Variants in ANKRD31 observed in about 807,000 individuals in gnomAD.
ANKRD31 encodes ankyrin repeat domain 31.
In ANKRD31, 147 loss-of-function variants were observed where a neutral mutation model predicts 186.0. The ratio of observed to expected loss-of-function variants is 0.79; its 90% CI spans 0.69 to 0.91. The LOEUF is 0.91. Ranked by LOEUF, ANKRD31 falls within the 40% of genes least tolerant of loss-of-function variation. ANKRD31 has a pLI of 0.00. For synonymous variants in ANKRD31, 673 were observed against 736.4 expected, an observed-to-expected ratio of 0.91 and a Z score of 1.39; for missense variants, 1,986 against 2,148.8, an observed-to-expected ratio of 0.92 and a Z score of 1.50.
intron 19 of ANKRD31, among the ~76,000 whole-genome samples, chr5:75,116,098 T>G (rs953756978): frequency 2.0e-5 from 3 of 151,530 alleles, no homozygotes; most frequent in African/African-American, 7.3e-5. Flanking sequence ...GATGAGTTCA[T>G]GTCCTTTGTA....
At chr5:75,159,094 T>A (rs1443734737) in intron 11 of ANKRD31, among the ~76,000 whole-genome samples, 5 of 151,714 alleles carry the variant, frequency 3.3e-5, no homozygotes, top group African/African-American at 4.8e-5. Flanking sequence ...AAAGAAAAAT[T>A]CACCAGAGGC....
intron 7 of ANKRD31, 44 bp downstream of exon 7, chr5:75,195,587 C>G: frequency 7.0e-7 from 1 of 1,430,078 alleles, no homozygotes; most frequent in Admixed American, 2.5e-5. Context: ...TAACTTGGAA[C>G]CATGTTCAAA....
intron 11 of ANKRD31, among the ~76,000 whole-genome samples, chr5:75,162,837 T>C (rs1419089890): frequency 2.0e-5 from 3 of 151,994 alleles, no homozygotes; most frequent in Admixed American, 2.0e-4. Flanking sequence ...TTATTGCTTT[T>C]AGGTATTTTC....
At chr5:75,191,054 T>C (rs985930745) in intron 9 of ANKRD31, among the ~76,000 whole-genome samples, 5 of 152,160 alleles carry the variant, frequency 3.3e-5, no homozygotes, top group African/African-American at 1.2e-4. Flanking sequence ...AATTTTATGA[T>C]TTTAAACTCA....
intron 25 of ANKRD31, among the ~76,000 whole-genome samples, chr5:75,071,419 G>A (rs927220511): frequency 1.3e-5 from 2 of 150,878 alleles, no homozygotes; most frequent in African/African-American, 4.9e-5. Flanking sequence ...AATGTTATAT[G>A]AAACTGCCAG....
chr5:75,220,333 AG>A (rs1366533202), intron 3 of ANKRD31, among the ~76,000 whole-genome samples: 1 of 152,212 alleles, frequency 6.6e-6, no homozygotes, highest in Non-Finnish European at 1.5e-5. Flanking sequence ...ACAGGCAAAA[AG>A]CAACTCCATT....
chr5:75,229,881 A>C lies in ANKRD31; in HGVS notation c.178+681T>G, dbSNP rs917249163. ...CTCTGTCTCAAAAAAAAAAAAAAAA[A>C]AAAAAACAAAAAAAACATCAATTCC... On this transcript the variant is annotated intron_variant, in intron 2 of 25. Transcript: ENST00000506364. 8.5e-4 allele frequency among the ~76,000 whole-genome samples: 72 copies of C among 84,924 alleles called. 1 individual carries two copies. The highest frequency in any genetic ancestry group is 1.9e-3 in the East Asian group (5 of 2,588). The allele number at this position is 84,924 out of a possible 152,430, so 55.7% of individuals were successfully genotyped here.
At chr5:75,076,658 T>G (rs934079905) in intron 25 of ANKRD31, among the ~76,000 whole-genome samples, 2 of 152,206 alleles carry the variant, frequency 1.3e-5, no homozygotes, top group African/African-American at 4.8e-5. Context: ...TCCTGAGAGG[T>G]TGAAGTGTGG....
chr5:75,194,147 C>G (rs571214586), intron 7 of ANKRD31, among the ~76,000 whole-genome samples: 1 of 152,240 alleles, frequency 6.6e-6, no homozygotes, highest in South Asian at 2.1e-4. Context: ...ATCATCTAAA[C>G]CTTTCTTCAG....
chr5:75,198,026 T>G (rs1271630149), intron 6 of ANKRD31, among the ~76,000 whole-genome samples: 1 of 152,168 alleles, frequency 6.6e-6, no homozygotes, highest in African/African-American at 2.4e-5. Context: ...CCAAGAAGAC[T>G]GAGAAATGAC....
chr5:75,136,103 G>A (rs1386710683), intron 17 of ANKRD31, among the ~76,000 whole-genome samples: 1 of 152,158 alleles, frequency 6.6e-6, no homozygotes, highest in Non-Finnish European at 1.5e-5. Flanking sequence ...ATAGGCATGG[G>A]CAAGGACTTC....
At position 75,080,307 on chromosome 5, in the gene ANKRD31, T is replaced by C. The variant is rs116960235; in HGVS notation, c.5647+261A>G. Among the ~76,000 whole-genome samples the C allele has an allele frequency of 2.1e-4, 32 of 152,326 alleles. No individual in the cohort carries two copies. In the East Asian group the frequency reaches 6.0e-3, roughly 28 times the overall value. On this transcript the variant is annotated intron_variant, in intron 25 of 25. Transcript: ENST00000506364. ...ATGCTTTCATTTACTTATTCATTCA[T>C]TTATTTATTCAATGAGCATTTATTG...
At chr5:75,141,696 G>A (rs1292058833) in intron 15 of ANKRD31, among the ~76,000 whole-genome samples, 2 of 151,986 alleles carry the variant, frequency 1.3e-5, no homozygotes, top group Non-Finnish European at 2.9e-5. Context: ...CAGTTACTGA[G>A]GGATGCTGGG....
At chr5:75,153,672 T>C (rs1297406462) in intron 12 of ANKRD31, among the ~76,000 whole-genome samples, 1 of 151,810 alleles carries the variant, frequency 6.6e-6, no homozygotes, top group Non-Finnish European at 1.5e-5. Flanking sequence ...GAATGTAGAG[T>C]TGTTACCAAA....
At chr5:75,148,724 T>G (rs775804467) in intron 12 of ANKRD31, 96 bp from the exon 13 acceptor site, 4 of 787,754 alleles carry the variant, frequency 5.1e-6, no homozygotes, top group Non-Finnish European at 7.7e-6. Flanking sequence ...GAAAACCAAG[T>G]GGAATAAGTG....
At chr5:75,105,296 T>A (rs186362966) in intron 21 of ANKRD31, 78 bp from the exon 22 acceptor site, 1 of 1,341,292 alleles carries the variant, frequency 7.5e-7, no homozygotes, top group Non-Finnish European at 9.7e-7. Flanking sequence ...AGGTTAAAGA[T>A]ACTTTGTCTC....
At chr5:75,233,961 A>T (rs573980842) in intron 1 of ANKRD31, among the ~76,000 whole-genome samples, 142 of 152,344 alleles carry the variant, frequency 9.3e-4, no homozygotes, top group African/African-American at 3.1e-3. Context: ...AATTATTTTT[A>T]AAAACCCCAA....
Position 75,196,022 on chromosome 5 carries a change from T to G in ANKRD31, c.626A>C (p.Glu209Ala), listed in dbSNP as rs1755445504. Residue 209 changes from glutamate to alanine, a missense_variant, in exon 7 of 26, where the codon GAA becomes GCA. Coordinates refer to ENST00000506364, the MANE Select transcript of ANKRD31 (RefSeq NM_001372053.1). Reference protein sequence around the residue: ...KEVTMTMTSEETKDEESSLET... With the variant: ...KEVTMTMTSEATKDEESSLET... Reference sequence around the variant, plus strand: ...AAGAGAGCTTTCTTCATCCTTAGTTTCTTCAGAAGTCATGGTCATTGTGAC... The same window carrying G: ...AAGAGAGCTTTCTTCATCCTTAGTTGCTTCAGAAGTCATGGTCATTGTGAC... 1 of 1,533,544 alleles carries G rather than the reference T, an allele frequency of 6.5e-7. No individual in the cohort carries two copies. The highest frequency in any genetic ancestry group is 1.2e-5 in the South Asian group (1 of 83,234). The allele number at this position is 1,533,544 out of a possible 1,614,324, so 95.0% of individuals were successfully genotyped here. A position where few individuals can be genotyped will look rare whatever the true frequency, so the allele number is the denominator to read the frequency against.
chr5:75,135,895 T>C (rs1178312185), intron 17 of ANKRD31, among the ~76,000 whole-genome samples: 1 of 152,138 alleles, frequency 6.6e-6, no homozygotes, highest in African/African-American at 2.4e-5. Context: ...TTGACAAACC[T>C]GACAAAAACA....
Sources: gnomAD v4.1 joint callset for allele counts (sites outside exome capture counted in the v4.1 genomes callset) on GRCh38, gnomAD v4.1.1 for gene constraint, MANE v1.5 for transcripts, NCBI Gene and HGNC (gene_info 2026-07-23, HGNC 2026-07-21) for gene names.